Variants in EXOC4 observed in about 807,000 individuals in gnomAD.
EXOC4 encodes the protein SEC8-like 1.
Under a neutral mutation model 107.2 loss-of-function variants are expected in EXOC4, and 71 were observed. The ratio of observed to expected loss-of-function variants is 0.66; its 90% confidence interval spans 0.55 to 0.81. The LOEUF is 0.81. Among genes scored for constraint, EXOC4 ranks in the 30% least tolerant of loss-of-function variants. The pLI is 0.00. For synonymous variants in EXOC4, 456 were observed against 441.2 expected (o/e 1.03, Z -0.42); for missense variants, 1,108 against 1,189.6 (o/e 0.93, Z 1.01).
At position 133,902,870 on chromosome 7, in the gene EXOC4, A is replaced by C. The variant is rs547879693; in HGVS notation, c.1871+7135A>C. Among the ~76,000 whole-genome samples, 1,253 of 151,946 alleles carry C rather than the reference A, an allele frequency of 8.2e-3. 11 individuals carry two copies. The highest frequency in any genetic ancestry group is 0.01 in the Non-Finnish European group (689 of 67,950). The stretch of plus-strand genomic sequence containing the variant: ...CTCTGTCTCAAAAAAACAAAACAAA[A>C]AAAAAAAGAATTTTCGAAGATAGTA... On this transcript the variant is annotated intron_variant, in intron 12 of 17. Transcript: ENST00000253861.
chr7:133,270,254 A>G (rs763826146), intron 1 of EXOC4, among the ~76,000 whole-genome samples: 2 of 152,180 alleles, frequency 1.3e-5, no homozygotes, highest in Non-Finnish European at 2.9e-5. Flanking sequence ...TTTCTTTTGT[A>G]AATTGCCCAG....
intron 9 of EXOC4, among the ~76,000 whole-genome samples, chr7:133,508,045 G>C (rs1331303227): frequency 1.3e-5 from 2 of 151,112 alleles, no homozygotes; most frequent in Non-Finnish European, 3.0e-5. Context: ...TGGGCAACAA[G>C]AGCAAAACTC....
At chr7:133,760,887 C>T (rs757289648) in intron 10 of EXOC4, among the ~76,000 whole-genome samples, 1 of 152,106 alleles carries the variant, frequency 6.6e-6, no homozygotes. Flanking sequence ...ATATTTGATA[C>T]AACAACATTC....
intron 9 of EXOC4, among the ~76,000 whole-genome samples, chr7:133,512,107 G>C (rs1220369940): frequency 6.6e-6 from 1 of 152,188 alleles, no homozygotes; most frequent in Non-Finnish European, 1.5e-5. Context: ...GTTAAGTTGT[G>C]ATAACTGCTG....
chr7:133,629,974 A>G (rs775220664), intron 9 of EXOC4, 71 bp from the exon 10 acceptor site: 2 of 1,082,236 alleles, frequency 1.8e-6, no homozygotes, highest in East Asian at 2.4e-5. Flanking sequence ...GGACTCATCT[A>G]GATATGCTTG....
chr7:133,813,014 A>G (rs1797272635), intron 10 of EXOC4, among the ~76,000 whole-genome samples: 1 of 152,194 alleles, frequency 6.6e-6, no homozygotes, highest in African/African-American at 2.4e-5. Flanking sequence ...GTGCTTCTGT[A>G]CAGGGAGGTC....
At chr7:133,572,647 T>C (rs1801048778) in intron 9 of EXOC4, among the ~76,000 whole-genome samples, 1 of 152,170 alleles carries the variant, frequency 6.6e-6, no homozygotes, top group Non-Finnish European at 1.5e-5. Context: ...CCTTCCAGCA[T>C]AACAAAAATC....
chr7:133,424,292 G>T (rs1470728797), intron 7 of EXOC4, among the ~76,000 whole-genome samples: 2 of 152,014 alleles, frequency 1.3e-5, no homozygotes, highest in Non-Finnish European at 2.9e-5. Flanking sequence ...CTGTGAAGTT[G>T]TGCACCTTCA....
chr7:133,967,872 C>T (rs908057843), intron 14 of EXOC4, among the ~76,000 whole-genome samples: 4 of 152,032 alleles, frequency 2.6e-5, no homozygotes, highest in Non-Finnish European at 5.9e-5. Flanking sequence ...GAGTTCAAGT[C>T]CTGGATATCC....
At chr7:133,926,205 A>G (rs1254902829) in intron 13 of EXOC4, among the ~76,000 whole-genome samples, 1 of 152,176 alleles carries the variant, frequency 6.6e-6, no homozygotes, top group African/African-American at 2.4e-5. Flanking sequence ...GTGCAGAGGA[A>G]GTAAATGACT....
At chr7:133,435,379 G>C (rs1476879214) in intron 7 of EXOC4, among the ~76,000 whole-genome samples, 1 of 151,404 alleles carries the variant, frequency 6.6e-6, no homozygotes, top group African/African-American at 2.4e-5. Flanking sequence ...TCTAGCTATT[G>C]ATCGTGTCTG....
At chr7:133,990,009 T>C (rs1168932460) in intron 14 of EXOC4, among the ~76,000 whole-genome samples, 5 of 152,152 alleles carry the variant, frequency 3.3e-5, no homozygotes, top group Admixed American at 1.3e-4. Flanking sequence ...AATTAATATA[T>C]TATAGCTGTA....
In EXOC4 at chr7:133,403,429, C is replaced by T. The variant is rs910571101; in HGVS notation, c.1182+28427C>T. On this transcript the variant is annotated intron_variant, in intron 7 of 17. Coordinates refer to ENST00000253861, the MANE Select transcript of EXOC4 (RefSeq NM_021807.4). Reference sequence around the variant, plus strand: ...ACTGCTGGCGGGCCATCATGTTTGACCCAGAGCTGAAGTTCAGAACTTCCT... The same window carrying T: ...ACTGCTGGCGGGCCATCATGTTTGATCCAGAGCTGAAGTTCAGAACTTCCT... 4.6e-5 allele frequency among the ~76,000 whole-genome samples: 7 copies of T among 152,160 alleles called. No individual in the cohort carries two copies. The East Asian group carries it at 1.3e-3, about 29-fold the overall frequency.
At chr7:133,787,132 C>T (rs1796585873) in intron 10 of EXOC4, among the ~76,000 whole-genome samples, 2 of 146,610 alleles carry the variant, frequency 1.4e-5, no homozygotes, top group South Asian at 2.2e-4. Context: ...CTGTAAGGTA[C>T]TTTTTTTTTC....
At chr7:133,458,877 G>A (rs1427246127) in intron 7 of EXOC4, among the ~76,000 whole-genome samples, 6 of 17,272 alleles carry the variant, frequency 3.5e-4, no homozygotes, top group South Asian at 6.5e-3. Context: ...CCACACCCCC[G>A]CCCTGTGAAG....
At chr7:133,838,454 A>G (rs1797962810) in intron 11 of EXOC4, among the ~76,000 whole-genome samples, 1 of 152,214 alleles carries the variant, frequency 6.6e-6, no homozygotes, top group South Asian at 2.1e-4. Context: ...CTTTGCAAGC[A>G]GCCCTCTTCT....
At chr7:133,297,582 GAACAGATA>G (rs1305196252) in intron 3 of EXOC4, among the ~76,000 whole-genome samples, 1 of 152,040 alleles carries the variant, frequency 6.6e-6, no homozygotes, top group Non-Finnish European at 1.5e-5. Flanking sequence ...CTTATCTGTA[GAACAGATA>G]AACAGATACT....
At chr7:133,783,261 A>G (rs1054938619) in intron 10 of EXOC4, among the ~76,000 whole-genome samples, 1 of 152,210 alleles carries the variant, frequency 6.6e-6, no homozygotes, top group Non-Finnish European at 1.5e-5. Context: ...AGATGTCTTC[A>G]TAGCATCCTT....
chr7:133,796,916 G>A (rs1796829027), intron 10 of EXOC4, among the ~76,000 whole-genome samples: 1 of 152,182 alleles, frequency 6.6e-6, no homozygotes, highest in Non-Finnish European at 1.5e-5. Flanking sequence ...ACTTAATGGA[G>A]TGTCAGCATA....
Sources: gnomAD v4.1 joint callset for allele counts (sites outside exome capture counted in the v4.1 genomes callset) on GRCh38, gnomAD v4.1.1 for gene constraint, MANE v1.5 for transcripts, NCBI Gene and HGNC (gene_info 2026-07-23, HGNC 2026-07-21) for gene names.